GABRA2: variants seen among roughly 807,000 people sequenced by gnomAD.
The protein encoded by GABRA2 is gamma-aminobutyric acid receptor subunit alpha-2.
In GABRA2, 16 loss-of-function variants were observed where a neutral mutation model predicts 48.7. That is an observed-to-expected ratio of 0.33 (90% CI 0.22 to 0.50). The LOEUF (loss-of-function observed/expected upper bound fraction) is 0.50. Ranked by LOEUF, GABRA2 falls within the 20% of genes least tolerant of loss-of-function variation. The pLI, the probability that GABRA2 is intolerant of heterozygous loss-of-function variation, is 0.98. For missense variants in GABRA2, 275 were observed against 535.6 expected, an observed-to-expected ratio of 0.51 and a Z score of 4.80; for synonymous variants, 185 against 184.5, an observed-to-expected ratio of 1.00 and a Z score of -0.02.
chr4:46,330,591 T>TATATATAGAGAGAGAG (rs1411755120), intron 4 of GABRA2, among the ~76,000 whole-genome samples: 1,387 of 122,288 alleles, frequency 0.011, 13 homozygotes, highest in Non-Finnish European at 0.017. Flanking sequence ...TATATATATA[T>TATATATAGAGAGAGAG]AGAGAGAGAG....
intron 8 of GABRA2, among the ~76,000 whole-genome samples, chr4:46,275,093 T>G (rs1720225204): frequency 6.6e-6 from 1 of 152,072 alleles, no homozygotes; most frequent in African/African-American, 2.4e-5. Flanking sequence ...TGAACTGGAT[T>G]CCCCTTCATT....
intron 5 of GABRA2, among the ~76,000 whole-genome samples, chr4:46,311,808 A>G (rs116564262): frequency 2.1e-3 from 318 of 152,296 alleles, no homozygotes; most frequent in African/African-American, 7.2e-3. Context: ...AAATTAAGAT[A>G]TTAAATTAGG....
At chr4:46,318,673 A>G (rs1239386934) in intron 4 of GABRA2, among the ~76,000 whole-genome samples, 3 of 151,724 alleles carry the variant, frequency 2.0e-5, no homozygotes, top group Non-Finnish European at 4.4e-5. Flanking sequence ...TACAAACTTA[A>G]AGGCTTAGAT....
intron 3 of GABRA2, among the ~76,000 whole-genome samples, chr4:46,383,121 A>G (rs1166168091): frequency 1.3e-5 from 2 of 152,216 alleles, no homozygotes; most frequent in African/African-American, 2.4e-5. Flanking sequence ...CAAGTTCTTC[A>G]AAGTCTTTTA....
At chr4:46,325,607 T>C (rs949971763) in intron 4 of GABRA2, among the ~76,000 whole-genome samples, 9 of 152,072 alleles carry the variant, frequency 5.9e-5, no homozygotes, top group African/African-American at 2.2e-4. Flanking sequence ...ATTTTTGTTT[T>C]TGTTATAATT....
At chr4:46,377,699 C>T (rs1323163972) in intron 3 of GABRA2, among the ~76,000 whole-genome samples, 1 of 142,052 alleles carries the variant, frequency 7.0e-6, no homozygotes, top group African/African-American at 2.6e-5. Flanking sequence ...AGCCCCTCTG[C>T]CCGGCCAGCC....
At chr4:46,260,449 CAAA>C (rs1244535124) in intron 9 of GABRA2, among the ~76,000 whole-genome samples, 2 of 151,600 alleles carry the variant, frequency 1.3e-5, no homozygotes, top group African/African-American at 4.8e-5. Flanking sequence ...TTCTGTTTTC[CAAA>C]GTAAAGAGTT....
At chr4:46,262,956 A>AAGAGAGAG (rs889064929) in intron 8 of GABRA2, among the ~76,000 whole-genome samples, 1 of 30,960 alleles carries the variant, frequency 3.2e-5, no homozygotes, top group Non-Finnish European at 6.5e-5. Context: ...GAAAGAAAGA[A>AAGAGAGAG]AGAGAGAGAG....
At chr4:46,278,546 AC>A (rs1395882685) in intron 8 of GABRA2, among the ~76,000 whole-genome samples, 1 of 151,944 alleles carries the variant, frequency 6.6e-6, no homozygotes, top group African/African-American at 2.4e-5. Context: ...TCAGATCATG[AC>A]CCTCTTTATG....
chr4:46,386,461 T>C (rs78167639), intron 2 of GABRA2, among the ~76,000 whole-genome samples: 2 of 152,196 alleles, frequency 1.3e-5, no homozygotes, highest in Admixed American at 1.3e-4. Context: ...GGACTATTCA[T>C]TTTCTTTCTA....
intron 8 of GABRA2, among the ~76,000 whole-genome samples, chr4:46,270,894 C>T (rs567074575): frequency 6.6e-6 from 1 of 151,842 alleles, no homozygotes; most frequent in Admixed American, 6.6e-5. Flanking sequence ...GCTGTAGCAG[C>T]TTCCCCATTT....
intron 3 of GABRA2, among the ~76,000 whole-genome samples, chr4:46,353,870 C>T (rs1244110908): frequency 6.6e-6 from 1 of 152,028 alleles, no homozygotes; most frequent in Non-Finnish European, 1.5e-5. Context: ...ACATATTTCA[C>T]CTCTTCACTA....
chr4:46,256,311 C>T (rs1715821038), intron 9 of GABRA2: 1 of 694,094 alleles, frequency 1.4e-6, no homozygotes, highest in East Asian at 2.7e-5. Context: ...AGCTTAGCTC[C>T]TTGAAGAATT....
intron 4 of GABRA2, among the ~76,000 whole-genome samples, chr4:46,315,964 C>CACACACACACAT (rs766108065): frequency 1.3e-5 from 2 of 150,482 alleles, no homozygotes; most frequent in Non-Finnish European, 3.0e-5. Flanking sequence ...CACACACACA[C>CACACACACACAT]ATATATATAT....
intron 3 of GABRA2, among the ~76,000 whole-genome samples, chr4:46,354,416 A>G (rs998561437): frequency 1.3e-5 from 2 of 152,170 alleles, no homozygotes; most frequent in Non-Finnish European, 2.9e-5. Flanking sequence ...CCAGAATCTA[A>G]TCCTAATTTA....
chr4:46,323,200 G>A (rs1026335726), intron 4 of GABRA2, among the ~76,000 whole-genome samples: 4 of 151,814 alleles, frequency 2.6e-5, no homozygotes, highest in Non-Finnish European at 5.9e-5. Flanking sequence ...GGTCACTATG[G>A]TCTTCTTAGT....
chr4:46,299,505 TAGTCTCTAAGCAA>T (rs1458460019), intron 8 of GABRA2, among the ~76,000 whole-genome samples: 1 of 151,794 alleles, frequency 6.6e-6, no homozygotes, highest in East Asian at 1.9e-4. Context: ...GTTAGTGGCA[TAGTCTCTAAGCAA>T]ACTTGTTCCT....
chr4:46,259,526 T>C (rs1450145440), intron 9 of GABRA2, among the ~76,000 whole-genome samples: 2 of 151,962 alleles, frequency 1.3e-5, no homozygotes, highest in Non-Finnish European at 2.9e-5. Context: ...ATTCTACATG[T>C]AATATGTCGA....
In GABRA2 at chr4:46,390,041, A is replaced by T; in HGVS notation, c.-317T>A. On this transcript the variant is annotated 5_prime_UTR_variant, in exon 1 of 10. Transcript: ENST00000381620. ...GAAGAGGAGGAGGGGGAAAACGATG[A>T]CAGGAGCTGGGGCCGGGGGGGGAAA... The T allele has an allele frequency of 6.4e-6, 1 of 156,272 alleles. No homozygotes were observed. The highest frequency in any genetic ancestry group is 8.9e-6 in the Non-Finnish European group (1 of 112,412). 9.7% of individuals were successfully genotyped at this position (156,272 alleles called of 1,614,324 possible). A position where few individuals can be genotyped will look rare whatever the true frequency, so the allele number is the denominator to read the frequency against.
Sources: gnomAD v4.1 joint callset for allele counts (sites outside exome capture counted in the v4.1 genomes callset) on GRCh38, gnomAD v4.1.1 for gene constraint, MANE v1.5 for transcripts, NCBI Gene and HGNC (gene_info 2026-07-23, HGNC 2026-07-21) for gene names.